MIA2: variants seen among roughly 807,000 people sequenced by gnomAD.
MIA2 encodes melanoma inhibitory activity protein 2.
In MIA2, 127 loss-of-function variants were observed where a neutral mutation model predicts 167.8. That is an observed-to-expected ratio of 0.76 (90% CI 0.66 to 0.88). MIA2 has a LOEUF of 0.88. Among genes scored for constraint, MIA2 ranks in the 40% least tolerant of loss-of-function variants. MIA2 has a pLI of 0.00. For missense variants in MIA2, 1,690 were observed against 1,624.7 expected (o/e 1.04, Z -0.69); for synonymous variants, 552 against 541.9 (o/e 1.02, Z -0.26).
chr14:39,312,801 TTATC>T (rs1178986537), intron 18 of MIA2, among the ~76,000 whole-genome samples: 1 of 152,090 alleles, frequency 6.6e-6, no homozygotes, highest in Non-Finnish European at 1.5e-5. Context: ...GCTCAATAAG[TTATC>T]TATTATTATT....
intron 9 of MIA2, among the ~76,000 whole-genome samples, chr14:39,284,622 T>C (rs1404950170): frequency 1.3e-5 from 2 of 152,220 alleles, no homozygotes; most frequent in African/African-American, 2.4e-5. Context: ...CTTTGTGTGC[T>C]CCTCAATTTC....
intron 13 of MIA2, among the ~76,000 whole-genome samples, chr14:39,298,530 GTTTTTT>G (rs764475842): frequency 9.2e-4 from 24 of 26,180 alleles, no homozygotes; most frequent in African/African-American, 3.3e-3. Flanking sequence ...GTAGAACAGA[GTTTTTT>G]TTTTTTTTTT....
intron 6 of MIA2, among the ~76,000 whole-genome samples, chr14:39,263,807 ATT>A (rs2055269718): frequency 6.6e-6 from 1 of 151,128 alleles, no homozygotes; most frequent in Non-Finnish European, 1.5e-5. Flanking sequence ...AATTTTTTGT[ATT>A]TTTTAGTAGA....
Position 39,326,948 on chromosome 14 carries a change from A to G in MIA2, c.3581A>G (p.His1194Arg). 6.3e-7 allele frequency: 1 copy of G among 1,595,914 alleles called. No individual in the cohort carries two copies. The highest frequency in any genetic ancestry group is 8.5e-7 in the Non-Finnish European group (1 of 1,172,132). ...ESSCDRLTDP[H>R]RAPSDTGSLS... is the part of the protein sequence containing the mutation. ...AGCTGTGATAGGTTAACCGATCCTC[A>G]TAGGGCTCCCTCTGACACTGGGTCT... The change falls in exon 25 of 29, where the codon CAT becomes CGT. Residue 1194 changes from histidine to arginine, a missense_variant. Transcript: ENST00000640607.
chr14:39,330,439 G>A (rs1420096573), intron 25 of MIA2, among the ~76,000 whole-genome samples: 1 of 151,838 alleles, frequency 6.6e-6, no homozygotes, highest in Non-Finnish European at 1.5e-5. Context: ...TTTTTGAAGG[G>A]TTTTTTGTGT....
chr14:39,354,591 T>G (rs2074473896), downstream of MIA2, among the ~76,000 whole-genome samples: 1 of 152,218 alleles, frequency 6.6e-6, no homozygotes, highest in South Asian at 2.1e-4. Flanking sequence ...AATTTTGGCT[T>G]TTGTTGCCAT....
chr14:39,327,918 C>T (rs548813975), intron 25 of MIA2, among the ~76,000 whole-genome samples: 3 of 152,200 alleles, frequency 2.0e-5, no homozygotes, highest in African/African-American at 4.8e-5. Context: ...TGAACAGTGC[C>T]GCAATAAATA....
chr14:39,307,953 G>A (rs1243214389), intron 17 of MIA2, among the ~76,000 whole-genome samples: 2 of 152,112 alleles, frequency 1.3e-5, no homozygotes, highest in African/African-American at 4.8e-5. Context: ...ATAGAGGGTA[G>A]GGGGTTAGGG....
chr14:39,266,750 C>G (rs2055735346), intron 6 of MIA2: 3 of 984,300 alleles, frequency 3.0e-6, no homozygotes, highest in Non-Finnish European at 3.6e-6. Flanking sequence ...GCCGTCAGGA[C>G]TTCTGCAGGG....
chr14:39,329,821 A>G (rs2068399819), intron 25 of MIA2, among the ~76,000 whole-genome samples: 1 of 152,140 alleles, frequency 6.6e-6, no homozygotes, highest in South Asian at 2.1e-4. Flanking sequence ...GATGAAGCCA[A>G]CTTGATCGTG....
intron 23 of MIA2, among the ~76,000 whole-genome samples, chr14:39,365,121 A>C (rs10132190): frequency 1.3e-5 from 2 of 151,556 alleles, no homozygotes; most frequent in South Asian, 4.2e-4. Flanking sequence ...ACTGGAGTGC[A>C]GTGGCATGAT....
At position 39,363,224 on chromosome 14, in the gene MIA2, G is replaced by C. The variant is rs568145967; in HGVS notation, c.2248+14247G>C. 3.3e-5 allele frequency among the ~76,000 whole-genome samples: 5 copies of C among 152,278 alleles called. No homozygotes were observed. In the East Asian group the frequency reaches 9.6e-4, roughly 29 times the overall value. On this transcript the variant is annotated intron_variant, in intron 23 of 23. Coordinates refer to the MIA2 transcript ENST00000341502. ...ATCTGTTATGTCTATTTGGTCTAAA[G>C]TACAGTTTAAGTCTAATGTTTCTGG...
Position 39,304,271 on chromosome 14 carries a change from C to A in MIA2, c.2788-20C>A. ...TATAACTGATTAATGTTACTTTTTT[C>A]CTTCTTCCCTTCTTTAAAGTTAAAT... On this transcript the variant is annotated intron_variant, in intron 16 of 28. Transcript: ENST00000640607. 1.7e-6 allele frequency: 2 copies of A among 1,182,800 alleles called. No individual in the cohort carries two copies. Among genetic ancestry groups the A allele is most frequent in the Middle Eastern group, 2.8e-4 (1 of 3,608 alleles). 73.3% of individuals were successfully genotyped at this position (1,182,800 alleles called of 1,614,324 possible).
intron 6 of MIA2, chr14:39,266,815 T>C (rs1233631496): frequency 3.2e-5 from 6 of 188,326 alleles, no homozygotes; most frequent in Non-Finnish European, 4.8e-5. Context: ...GTGTCGGGGC[T>C]GGGCCTGGCG....
At chr14:39,246,456 A>G (rs890386942) in intron 3 of MIA2, among the ~76,000 whole-genome samples, 1 of 152,202 alleles carries the variant, frequency 6.6e-6, no homozygotes, top group Non-Finnish European at 1.5e-5. Context: ...AGTGGCTCAC[A>G]TCTGTAATCC....
chr14:39,386,330 G>T, intron 23 of MIA2: 2 of 1,499,442 alleles, frequency 1.3e-6, no homozygotes, highest in Non-Finnish European at 1.9e-6. Flanking sequence ...ATCACTGATA[G>T]CTTCATCACA....
At chr14:39,335,470 A>G (rs1241198534) in intron 25 of MIA2, among the ~76,000 whole-genome samples, 1 of 152,204 alleles carries the variant, frequency 6.6e-6, no homozygotes, top group African/African-American at 2.4e-5. Flanking sequence ...TTTACAAGGA[A>G]TCATTTATTT....
At chr14:39,312,645 G>A (rs2064526631) in intron 18 of MIA2, among the ~76,000 whole-genome samples, 1 of 152,152 alleles carries the variant, frequency 6.6e-6, no homozygotes, top group Non-Finnish European at 1.5e-5. Flanking sequence ...CTGCTTATGA[G>A]CTCTAGGCTT....
intron 18 of MIA2, among the ~76,000 whole-genome samples, chr14:39,308,920 A>T (rs939074370): frequency 2.0e-5 from 3 of 152,208 alleles, no homozygotes; most frequent in East Asian, 3.8e-4. Context: ...CATCTCTGAT[A>T]TATGTAAAAC....
Sources: gnomAD v4.1 joint callset for allele counts (sites outside exome capture counted in the v4.1 genomes callset) on GRCh38, gnomAD v4.1.1 for gene constraint, MANE v1.5 for transcripts, NCBI Gene and HGNC (gene_info 2026-07-23, HGNC 2026-07-21) for gene names.